KIF7: variants seen among roughly 807,000 people sequenced by gnomAD.
The protein encoded by KIF7 is kinesin-like protein KIF7.
Under a neutral mutation model 135.7 loss-of-function variants are expected in KIF7, and 104 were observed. The observed-to-expected ratio is 0.77, with a 90% CI of 0.65 to 0.90. KIF7 has a LOEUF of 0.90. KIF7 is among the 40% of genes least tolerant of loss of function. The pLI, the probability that KIF7 is intolerant of heterozygous loss-of-function variation, is 0.00. For missense variants in KIF7, 2,005 were observed against 1,839.1 expected, an observed-to-expected ratio of 1.09 and a Z score of -1.65; for synonymous variants, 883 against 809.4, an observed-to-expected ratio of 1.09 and a Z score of -1.54.
chr15:89,622,642 T>C (rs1199645248), intron 1 of KIF7, among the ~76,000 whole-genome samples: 2 of 152,162 alleles, frequency 1.3e-5, no homozygotes, highest in South Asian at 2.1e-4. Context: ...CCAAGATCAG[T>C]CTCCTCCCCC....
chr15:89,627,122 C>T (rs1351757406), downstream of KIF7: 5 of 1,611,994 alleles, frequency 3.1e-6, no homozygotes, highest in Admixed American at 6.7e-5. Flanking sequence ...ATCAAGGAGT[C>T]AGCCAGGACC....
At chr15:89,638,408 C>T (rs1233927508) in intron 11 of KIF7, among the ~76,000 whole-genome samples, 1 of 149,122 alleles carries the variant, frequency 6.7e-6, no homozygotes, top group African/African-American at 2.5e-5. Context: ...CCCATTGTCT[C>T]AGCCCAAAAT....
chr15:89,645,525 G>A (rs1963996632), intron 8 of KIF7, 74 bp from the exon 9 acceptor site: 2 of 1,195,342 alleles, frequency 1.7e-6, no homozygotes, highest in Non-Finnish European at 2.4e-6. Context: ...GGCCTGGAGG[G>A]AAGAAGAGAG....
Position 89,649,195 on chromosome 15 carries a change from G to C in KIF7, c.702C>G (p.Arg234=), listed in dbSNP as rs1365872087. 2.6e-6 allele frequency: 4 copies of C among 1,546,232 alleles called. No individual in the cohort carries two copies. Among genetic ancestry groups the C allele is most frequent in the Non-Finnish European group, 3.5e-6 (4 of 1,145,936 alleles). ...GCTGGCCCGGGGCGGGGCGGGGTAG[G>C]CGGCTGGGGGCGCGCCCCCGCTGCT... ...TLEQRGRAPS[R]LPRPAPGQLL... Residue 234 remains arginine, a synonymous_variant, in exon 4 of 19, where the codon CGC becomes CGG. Transcript: ENST00000394412.
intron 2 of KIF7, 114 bp from the exon 3 acceptor site, chr15:89,650,055 G>A (rs953104033): frequency 2.7e-6 from 3 of 1,112,998 alleles, no homozygotes; most frequent in African/African-American, 1.5e-5. Context: ...CTAGGATGGA[G>A]AAGGCAGTGG....
downstream of KIF7, among the ~76,000 whole-genome samples, chr15:89,626,413 G>A (rs966394414): frequency 6.6e-6 from 1 of 152,196 alleles, no homozygotes; most frequent in Non-Finnish European, 1.5e-5. Flanking sequence ...TCCCCACAGC[G>A]GGTTTATCCG....
rs145915541 is a variant in KIF7 at position 89,629,115 on chromosome 15, G to A, written c.3525C>T (p.Leu1175=). The A allele has an allele frequency of 1.5e-4, 243 of 1,611,916 alleles. No homozygotes were observed. The highest frequency in any genetic ancestry group is 1.9e-4 in the Non-Finnish European group (219 of 1,179,692). ...TCCTGCTGTCTGCTAACCCTTCACCGAGGTGGTCTAGAGTGGAAAGGTCGA... is the reference window on the plus strand; with the variant it reads ...TCCTGCTGTCTGCTAACCCTTCACCAAGGTGGTCTAGAGTGGAAAGGTCGA... ...QLLLQQSRDH[L]GEGLADSRRQ... Residue 1175 remains leucine (L), a synonymous_variant, in exon 18 of 19, where the codon CTC becomes CTT. Coordinates refer to ENST00000394412, the MANE Select transcript of KIF7 (RefSeq NM_198525.3).
chr15:89,624,338 C>T (rs766395928), downstream of KIF7: 1 of 1,614,116 alleles, frequency 6.2e-7, no homozygotes, highest in South Asian at 1.1e-5. Flanking sequence ...CAGAAAGAGC[C>T]CCAGATGTCA....
At chr15:89,643,051 C>T (rs1256355588) in intron 10 of KIF7, among the ~76,000 whole-genome samples, 1 of 149,024 alleles carries the variant, frequency 6.7e-6, no homozygotes, top group Non-Finnish European at 1.5e-5. Context: ...CTAAATGACA[C>T]CACAAAAAAG....
upstream of KIF7, among the ~76,000 whole-genome samples, chr15:89,657,520 A>C: frequency 6.6e-6 from 1 of 152,128 alleles, no homozygotes. Flanking sequence ...TCTGTGTATC[A>C]GTAGCACTCA....
rs1367625488 is a variant in KIF7 at position 89,649,136 on chromosome 15, G to A, written c.761C>T (p.Ala254Val). ...LVSKFHFVDL[A>V]GSERVLKTGS... is the part of the protein sequence containing the mutation. Reference sequence around the variant, plus strand: ...CGTCTTGAGCACCCTCTCTGAGCCCGCCAGGTCCACGAAGTGGAACTTGGA... The same window carrying A: ...CGTCTTGAGCACCCTCTCTGAGCCCACCAGGTCCACGAAGTGGAACTTGGA... The change falls in exon 4 of 19, where the codon GCG becomes GTG. Residue 254 changes from alanine to valine, a missense_variant. Coordinates refer to ENST00000394412, the MANE Select transcript of KIF7 (RefSeq NM_198525.3). The A allele has an allele frequency of 2.6e-6, 4 of 1,547,770 alleles. No individual in the cohort carries two copies. Among genetic ancestry groups the A allele is most frequent in the Admixed American group, 2.0e-5 (1 of 50,992 alleles).
upstream of KIF7, among the ~76,000 whole-genome samples, chr15:89,657,000 A>G (rs879503399): frequency 2.0e-5 from 3 of 152,214 alleles, no homozygotes; most frequent in Admixed American, 1.3e-4. Context: ...TTAATGAAAC[A>G]TCATGCTTTA....
intron 12 of KIF7, 146 bp from the exon 13 acceptor site, chr15:89,633,412 C>T (rs996958881): frequency 8.9e-7 from 1 of 1,126,838 alleles, no homozygotes; most frequent in Non-Finnish European, 1.3e-6. Flanking sequence ...ACACAAATCT[C>T]CCTGGAGACC....
chr15:89,623,124 G>A (rs1963453171), downstream of KIF7, among the ~76,000 whole-genome samples: 1 of 152,196 alleles, frequency 6.6e-6, no homozygotes, highest in African/African-American at 2.4e-5. Flanking sequence ...TGTCTTTTCT[G>A]AGACATTATC....
At position 89,645,719 on chromosome 15, in the gene KIF7, C is replaced by T. The variant is rs529990866; in HGVS notation, c.1922+174G>A. Among the ~76,000 whole-genome samples, 487 of 152,256 alleles carry T rather than the reference C, an allele frequency of 3.2e-3. 2 individuals carry two copies. Among genetic ancestry groups the T allele is most frequent in the African/African-American group, 0.011 (461 of 41,548 alleles). On this transcript the variant is annotated intron_variant, in intron 8 of 18. Coordinates refer to ENST00000394412, the MANE Select transcript of KIF7 (RefSeq NM_198525.3). ...TCACACTCGCTCCAGTGAGACCTTTCGGCTCAGTGCCCCACAGCTCTCCCC... is the reference window on the plus strand; with the variant it reads ...TCACACTCGCTCCAGTGAGACCTTTTGGCTCAGTGCCCCACAGCTCTCCCC...
intron 6 of KIF7, 137 bp from the exon 7 acceptor site, chr15:89,647,194 CCAA>C (rs1964029908): frequency 1.3e-6 from 1 of 748,312 alleles, no homozygotes; most frequent in East Asian, 2.7e-5. Context: ...CCTCTCCTCC[CCAA>C]CAACTCTGTA....
downstream of KIF7, among the ~76,000 whole-genome samples, chr15:89,623,464 G>A (rs1963457733): frequency 6.6e-6 from 1 of 152,232 alleles, no homozygotes; most frequent in Non-Finnish European, 1.5e-5. Flanking sequence ...TCTGAGTCAT[G>A]TTTTGGAGAG....
At chr15:89,619,808 G>A (rs1247583840) in intron 1 of KIF7, 4 of 1,613,482 alleles carry the variant, frequency 2.5e-6, no homozygotes, top group Non-Finnish European at 3.4e-6. Flanking sequence ...CTCGAAGTGT[G>A]CAAAGAGTCC....
At chr15:89,627,040 C>A (rs139166785), downstream of KIF7, 289 of 1,614,170 alleles carry the variant, frequency 1.8e-4, no homozygotes, top group Non-Finnish European at 2.3e-4. Flanking sequence ...ATCAGCAGAA[C>A]TTATACACGG....
Sources: gnomAD v4.1 joint callset for allele counts (sites outside exome capture counted in the v4.1 genomes callset) on GRCh38, gnomAD v4.1.1 for gene constraint, MANE v1.5 for transcripts, NCBI Gene and HGNC (gene_info 2026-07-23, HGNC 2026-07-21) for gene names.